The following SLC44A1 variants were observed in gnomAD, a reference collection of about 807,000 sequenced individuals.
SLC44A1 encodes solute carrier family 44 member 1.
In SLC44A1, 26 loss-of-function variants were observed where a neutral mutation model predicts 79.3. That is an observed-to-expected ratio of 0.33 (90% confidence interval 0.24 to 0.46). The LOEUF is 0.46. Among genes scored for constraint, SLC44A1 ranks in the 20% least tolerant of loss-of-function variants. The probability of loss-of-function intolerance (pLI) is 1.00; values close to 1 mark genes in which losing one functional copy is unlikely to be tolerated. For missense variants in SLC44A1, 688 were observed against 798.1 expected, an observed-to-expected ratio of 0.86 and a Z score of 1.66; for synonymous variants, 263 against 286.2, an observed-to-expected ratio of 0.92 and a Z score of 0.82.
At chr9:105,425,217 A>T (rs1306324006) in intron 15 of SLC44A1, among the ~76,000 whole-genome samples, 1 of 152,206 alleles carries the variant, frequency 6.6e-6, no homozygotes, top group African/African-American at 2.4e-5. Context: ...ACTAAATGGC[A>T]TTCCATTATA....
At position 105,379,055 on chromosome 9, in the gene SLC44A1, G is replaced by T. The variant is rs761601818; in HGVS notation, c.1633-4068G>T. ...TTTGGGAGGCCAAGGAGGGTGGATC[G>T]CTTGAGCCCAGGAGTCCAAGACCAG... On this transcript the variant is annotated intron_variant, in intron 13 of 15. Transcript: ENST00000374720. 5.9e-5 allele frequency among the ~76,000 whole-genome samples: 9 copies of T among 152,140 alleles called. 1 individual carries two copies. The highest frequency in any genetic ancestry group is 1.2e-4 in the Non-Finnish European group (8 of 68,016).
At chr9:105,358,092 G>A (rs375166831) in intron 6 of SLC44A1, among the ~76,000 whole-genome samples, 27 of 152,174 alleles carry the variant, frequency 1.8e-4, no homozygotes, top group African/African-American at 6.5e-4. Context: ...GAGTCACCAT[G>A]TGCATTTGCA....
intron 15 of SLC44A1, among the ~76,000 whole-genome samples, chr9:105,413,923 TGAAAGGCTAATTC>T (rs1205530104): frequency 1.3e-5 from 2 of 151,730 alleles, no homozygotes; most frequent in Non-Finnish European, 2.9e-5. Flanking sequence ...GAGCACAGAG[TGAAAGGCTAATTC>T]AATGACCTTT....
chr9:105,385,120 A>G (rs1162885038), intron 14 of SLC44A1, among the ~76,000 whole-genome samples: 2 of 152,216 alleles, frequency 1.3e-5, no homozygotes, highest in Admixed American at 6.5e-5. Flanking sequence ...GTATGAGAAA[A>G]TAGCCTCTTA....
chr9:105,397,245 C>G lies in SLC44A1; in HGVS notation c.*8189C>G, dbSNP rs1828894211. ...GTGCTGATCTAATGCTAAGTTTTCT[C>G]TGTGTACTGACTCAGTTGCCAGAAT... On this transcript the variant is annotated 3_prime_UTR_variant, in exon 16 of 16. Coordinates refer to ENST00000374720, the MANE Select transcript of SLC44A1 (RefSeq NM_080546.5). 1.0e-6 allele frequency: 1 copy of G among 985,186 alleles called. No individual in the cohort carries two copies. The highest frequency in any genetic ancestry group is 4.7e-5 in the South Asian group (1 of 21,286). The allele number at this position is 985,186 out of a possible 1,614,324, so 61.0% of individuals were successfully genotyped here. A position where few individuals can be genotyped will look rare whatever the true frequency, so the allele number is the denominator to read the frequency against.
chr9:105,410,173 C>T (rs562045633), intron 15 of SLC44A1, among the ~76,000 whole-genome samples: 1 of 152,114 alleles, frequency 6.6e-6, no homozygotes, highest in East Asian at 1.9e-4. Flanking sequence ...TTGGATTGGG[C>T]CATTGTTTCT....
rs563036956 is a variant in SLC44A1 at position 105,362,061 on chromosome 9, T to TGC, written c.900+743_900+744dup. 5.0e-3 allele frequency among the ~76,000 whole-genome samples: 755 copies of TGC among 152,126 alleles called. 7 individuals are homozygous for TGC. Among genetic ancestry groups the TGC allele is most frequent in the Non-Finnish European group, 6.3e-3 (430 of 67,982 alleles). On this transcript the variant is annotated intron_variant, in intron 8 of 15. Transcript: ENST00000374720. The stretch of plus-strand genomic sequence containing the variant: ...ATGTGTGTTTGTGTGTGCGTGTGTG[T>TGC]GCGCGCGCGCGCGTGTGTGTGTGTG...
At chr9:105,264,817 A>G (rs1283823570) in intron 1 of SLC44A1, among the ~76,000 whole-genome samples, 4 of 143,574 alleles carry the variant, frequency 2.8e-5, no homozygotes, top group East Asian at 2.0e-4. Flanking sequence ...TTTTTTTGAG[A>G]TGGAGTTTTA....
At chr9:105,260,960 C>G (rs1182871274) in intron 1 of SLC44A1, among the ~76,000 whole-genome samples, 1 of 152,124 alleles carries the variant, frequency 6.6e-6, no homozygotes, top group Non-Finnish European at 1.5e-5. Flanking sequence ...ACATATGGAA[C>G]AGGGATGGAG....
intron 8 of SLC44A1, 114 bp from the exon 9 acceptor site, chr9:105,362,707 C>A: frequency 1.5e-6 from 1 of 645,670 alleles, no homozygotes; most frequent in Non-Finnish European, 2.6e-6. Flanking sequence ...TATTGAAATT[C>A]AAAGAATGCT....
chr9:105,366,327 C>G lies in SLC44A1; in HGVS notation c.1411-19C>G, dbSNP rs1356969053. On this transcript the variant is annotated intron_variant, in intron 11 of 15. Coordinates refer to ENST00000374720, the MANE Select transcript of SLC44A1 (RefSeq NM_080546.5). Reference sequence around the variant, plus strand: ...TGATTCTTTGGTTTTTTTATTATTTCCATTTTTCCCCCATCCAGGAAAATG... The same window carrying G: ...TGATTCTTTGGTTTTTTTATTATTTGCATTTTTCCCCCATCCAGGAAAATG... 7.3e-7 allele frequency: 1 copy of G among 1,366,870 alleles called. No homozygotes were observed. Among genetic ancestry groups the G allele is most frequent in the Non-Finnish European group, 9.8e-7 (1 of 1,023,050 alleles). The allele number at this position is 1,366,870 out of a possible 1,614,324, so 84.7% of individuals were successfully genotyped here.
chr9:105,348,303 G>A (rs2131380207), intron 4 of SLC44A1, 55 bp from the exon 5 acceptor site: 1 of 904,574 alleles, frequency 1.1e-6, no homozygotes, highest in South Asian at 1.5e-5. Context: ...AAAATGAATA[G>A]TAAGAGAATT....
At chr9:105,287,459 C>A (rs746554931) in intron 1 of SLC44A1, among the ~76,000 whole-genome samples, 1 of 152,116 alleles carries the variant, frequency 6.6e-6, no homozygotes, top group Non-Finnish European at 1.5e-5. Flanking sequence ...TTCAAACACA[C>A]ATTTTATAAT....
chr9:105,332,674 A>G (rs890828415), intron 3 of SLC44A1, among the ~76,000 whole-genome samples: 2 of 152,110 alleles, frequency 1.3e-5, no homozygotes, highest in African/African-American at 4.8e-5. Context: ...TTGGTTCTCA[A>G]GGGTAATGAC....
At chr9:105,303,163 G>A (rs983665009) in intron 2 of SLC44A1, among the ~76,000 whole-genome samples, 17 of 152,018 alleles carry the variant, frequency 1.1e-4, no homozygotes, top group African/African-American at 4.1e-4. Context: ...AAACAAGAGT[G>A]GGATGGATAA....
At chr9:105,413,134 C>A (rs1564056117) in intron 15 of SLC44A1, among the ~76,000 whole-genome samples, 1 of 152,190 alleles carries the variant, frequency 6.6e-6, no homozygotes, top group Non-Finnish European at 1.5e-5. Context: ...GAAAAAGAGA[C>A]TTCTGTTTCA....
At chr9:105,338,073 T>C (rs1826977720) in intron 4 of SLC44A1, among the ~76,000 whole-genome samples, 1 of 152,144 alleles carries the variant, frequency 6.6e-6, no homozygotes. Flanking sequence ...GCTGTATGAA[T>C]AGTAAGTCAA....
intron 1 of SLC44A1, among the ~76,000 whole-genome samples, chr9:105,251,321 T>C (rs1370885909): frequency 6.6e-6 from 1 of 152,236 alleles, no homozygotes; most frequent in South Asian, 2.1e-4. Flanking sequence ...CTATATCTAG[T>C]CACCACATCT....
intron 6 of SLC44A1, among the ~76,000 whole-genome samples, chr9:105,357,865 G>T (rs1181010761): frequency 6.6e-6 from 1 of 152,188 alleles, no homozygotes; most frequent in Non-Finnish European, 1.5e-5. Context: ...ATGCCATTTA[G>T]CTTCTTGACT....
Sources: gnomAD v4.1 joint callset for allele counts (sites outside exome capture counted in the v4.1 genomes callset) on GRCh38, gnomAD v4.1.1 for gene constraint, MANE v1.5 for transcripts, NCBI Gene and HGNC (gene_info 2026-07-23, HGNC 2026-07-21) for gene names.